ADAM17: variants seen among roughly 807,000 people sequenced by gnomAD.
ADAM17 encodes disintegrin and metalloproteinase domain-containing protein 17.
Under a neutral mutation model 96.7 loss-of-function variants are expected in ADAM17, and 39 were observed. That is an observed-to-expected ratio of 0.40 (90% confidence interval 0.31 to 0.53). The LOEUF (loss-of-function observed/expected upper bound fraction) is 0.53. Ranked by LOEUF, ADAM17 falls within the 20% of genes least tolerant of loss-of-function variation. ADAM17 has a pLI of 0.44. For synonymous variants in ADAM17, 344 were observed against 359.2 expected (o/e 0.96, Z 0.48); for missense variants, 777 against 1,013.2 (o/e 0.77, Z 3.17).
At chr2:9,497,632 T>C (rs945428505) in intron 13 of ADAM17, among the ~76,000 whole-genome samples, 1 of 152,184 alleles carries the variant, frequency 6.6e-6, no homozygotes, top group Non-Finnish European at 1.5e-5. Flanking sequence ...CGCACACAAC[T>C]CTCCCACAGC....
At chr2:9,497,053 G>A (rs1662666054) in intron 14 of ADAM17, 61 bp downstream of exon 14, 1 of 1,583,714 alleles carries the variant, frequency 6.3e-7, no homozygotes, top group Admixed American at 1.7e-5. Flanking sequence ...TGGAGGAAGG[G>A]AGCCTGGCAG....
intron 13 of ADAM17, among the ~76,000 whole-genome samples, chr2:9,497,622 C>T (rs749403341): frequency 1.3e-5 from 2 of 152,340 alleles, no homozygotes; most frequent in East Asian, 1.9e-4. Context: ...CTGACTTCAT[C>T]GCACACAACT....
chr2:9,495,724 AG>A (rs1226430475), intron 14 of ADAM17, among the ~76,000 whole-genome samples: 1 of 150,824 alleles, frequency 6.6e-6, no homozygotes. Flanking sequence ...AAAAAAAAAA[AG>A]AAAACCTTTT....
chr2:9,522,455 G>GT (rs891270694), intron 7 of ADAM17: 1 of 596,466 alleles, frequency 1.7e-6, no homozygotes, highest in South Asian at 2.0e-5. Flanking sequence ...AAGAAAATGC[G>GT]TAACAGTGAA....
At chr2:9,537,903 AG>A (rs1558522682) in intron 2 of ADAM17, among the ~76,000 whole-genome samples, 1 of 40,354 alleles carries the variant, frequency 2.5e-5, no homozygotes, top group Non-Finnish European at 5.3e-5. Context: ...AGGGGAGGGG[AG>A]GAGAGGGGGA....
chr2:9,520,635 T>C (rs558062639), intron 8 of ADAM17, among the ~76,000 whole-genome samples: 1 of 152,236 alleles, frequency 6.6e-6, no homozygotes, highest in African/African-American at 2.4e-5. Flanking sequence ...ATCCACTGAT[T>C]GTCTCATTAG....
chr2:9,538,491 T>G (rs148061934), intron 2 of ADAM17, among the ~76,000 whole-genome samples: 1 of 152,224 alleles, frequency 6.6e-6, no homozygotes, highest in Non-Finnish European at 1.5e-5. Flanking sequence ...CTAAAACATA[T>G]CTTCCCACAC....
chr2:9,551,999 G>C (rs2125046987), intron 1 of ADAM17, among the ~76,000 whole-genome samples: 1 of 152,244 alleles, frequency 6.6e-6, no homozygotes, highest in South Asian at 2.1e-4. Context: ...TCGTGTGTTA[G>C]GGGTAATGTG....
At chr2:9,494,806 G>A in intron 14 of ADAM17, 39 bp from the exon 15 acceptor site, 1 of 1,608,154 alleles carries the variant, frequency 6.2e-7, no homozygotes, top group South Asian at 1.1e-5. Context: ...GGATTGTTCT[G>A]AGACCTGCCT....
At chr2:9,528,927 C>T (rs1664632616) in intron 4 of ADAM17, among the ~76,000 whole-genome samples, 1 of 152,146 alleles carries the variant, frequency 6.6e-6, no homozygotes, top group Non-Finnish European at 1.5e-5. Flanking sequence ...TACCATATGA[C>T]CCAGCAATTC....
intron 1 of ADAM17, among the ~76,000 whole-genome samples, chr2:9,554,787 C>T (rs544471649): frequency 2.0e-5 from 3 of 152,290 alleles, no homozygotes; most frequent in South Asian, 4.1e-4. Flanking sequence ...GAAATAGGAA[C>T]CCTCTACTTT....
intron 7 of ADAM17, among the ~76,000 whole-genome samples, chr2:9,522,962 G>A (rs980034396): frequency 6.6e-6 from 1 of 152,134 alleles, no homozygotes; most frequent in Non-Finnish European, 1.5e-5. Context: ...ATAATCGGAG[G>A]GGGGAAGAAA....
intron 11 of ADAM17, among the ~76,000 whole-genome samples, chr2:9,507,786 C>G (rs965853755): frequency 6.6e-6 from 1 of 152,086 alleles, no homozygotes; most frequent in Non-Finnish European, 1.5e-5. Flanking sequence ...GTAGCACAAC[C>G]TTGGCTCACT....
intron 10 of ADAM17, among the ~76,000 whole-genome samples, chr2:9,510,490 C>T (rs1357277780): frequency 1.3e-5 from 2 of 152,008 alleles, no homozygotes; most frequent in African/African-American, 4.8e-5. Flanking sequence ...ATGGTGAAAC[C>T]CTGTCTCTAC....
Position 9,553,466 on chromosome 2 carries a change from G to C in ADAM17, c.97+2043C>G, listed in dbSNP as rs1450560997. Among the ~76,000 whole-genome samples the C allele has an allele frequency of 2.6e-5, 4 of 151,892 alleles. No homozygotes were observed. In the South Asian group the frequency reaches 6.2e-4, roughly 24 times the overall value. On this transcript the variant is annotated intron_variant, in intron 1 of 18. Transcript: ENST00000310823. ...AGGTGTGCTGATCACCTGAGGTCAGGAGTTCGAGACCAGCCTGAATAACAT... is the reference window on the plus strand; with the variant it reads ...AGGTGTGCTGATCACCTGAGGTCAGCAGTTCGAGACCAGCCTGAATAACAT...
At chr2:9,554,546 G>T (rs1341258212) in intron 1 of ADAM17, among the ~76,000 whole-genome samples, 1 of 152,096 alleles carries the variant, frequency 6.6e-6, no homozygotes, top group Non-Finnish European at 1.5e-5. Flanking sequence ...ACTACACATG[G>T]TATCATGGTG....
chr2:9,529,145 C>T (rs1664639254), intron 4 of ADAM17, among the ~76,000 whole-genome samples: 1 of 152,220 alleles, frequency 6.6e-6, no homozygotes, highest in East Asian at 1.9e-4. Context: ...AAACATTATT[C>T]TAAGTGAAAG....
At chr2:9,526,295 GT>G in intron 5 of ADAM17, 51 bp from the exon 6 acceptor site, 1 of 1,559,800 alleles carries the variant, frequency 6.4e-7, no homozygotes, top group Non-Finnish European at 8.7e-7. Context: ...AAAACAAGGA[GT>G]TTTATGGTAA....
At chr2:9,497,339 G>T in intron 13 of ADAM17, 91 bp from the exon 14 acceptor site, 1 of 1,529,864 alleles carries the variant, frequency 6.5e-7, no homozygotes, top group Non-Finnish European at 8.8e-7. Context: ...ATACAAGTGA[G>T]CATCTTACCT....
Sources: gnomAD v4.1 joint callset for allele counts (sites outside exome capture counted in the v4.1 genomes callset) on GRCh38, gnomAD v4.1.1 for gene constraint, MANE v1.5 for transcripts, NCBI Gene and HGNC (gene_info 2026-07-23, HGNC 2026-07-21) for gene names.